The following KIRREL1 variants were observed in gnomAD, a reference collection of about 807,000 sequenced individuals.
KIRREL1 encodes kin of IRRE-like protein 1.
Under a neutral mutation model 83.3 loss-of-function variants are expected in KIRREL1, and 25 were observed. That is an observed-to-expected ratio of 0.30 (90% CI 0.22 to 0.42). KIRREL1 has a LOEUF of 0.42. KIRREL1 is among the 10% of genes least tolerant of loss of function. The pLI, the probability that KIRREL1 is intolerant of heterozygous loss-of-function variation, is 1.00. For missense variants in KIRREL1, 812 were observed against 1,032.3 expected (o/e 0.79, Z 2.92); for synonymous variants, 388 against 410.4 (o/e 0.95, Z 0.66).
intron 1 of KIRREL1, among the ~76,000 whole-genome samples, chr1:158,015,662 A>AT (rs948235440): frequency 6.6e-6 from 1 of 152,094 alleles, no homozygotes; most frequent in African/African-American, 2.4e-5. Context: ...CTTCTGGTTC[A>AT]TTTTTTTATG....
Position 158,094,398 on chromosome 1 carries a change from A to G in KIRREL1, c.1797+8A>G. 1 of 1,611,974 alleles carries G rather than the reference A, an allele frequency of 6.2e-7. No homozygotes were observed. The highest frequency in any genetic ancestry group is 1.3e-5 in the African/African-American group (1 of 75,028). ...GAGGAGTATGAGATGAAGGTGGGAA[A>G]GGGGGAAGGGGCCAGGGCATGAGGG... On this transcript the variant is annotated splice_region_variant and intron_variant, in intron 14 of 14. Transcript: ENST00000359209. The surrounding 1 kb of genome is among the most constrained non-coding windows in gnomAD (Gnocchi z 4.6).
chr1:158,000,330 C>A (rs1208279078), intron 1 of KIRREL1, among the ~76,000 whole-genome samples: 3 of 152,198 alleles, frequency 2.0e-5, no homozygotes, highest in African/African-American at 7.2e-5. Flanking sequence ...TTTTGTGAGT[C>A]ATTTTTCTTC....
intron 1 of KIRREL1, among the ~76,000 whole-genome samples, chr1:158,033,261 G>A (rs1418305172): frequency 2.0e-5 from 3 of 152,072 alleles, no homozygotes; most frequent in African/African-American, 7.2e-5. Context: ...TGGTAAAGAC[G>A]GGGTTTCACC....
intron 8 of KIRREL1, among the ~76,000 whole-genome samples, chr1:158,088,675 G>A (rs561821001): frequency 1.7e-3 from 252 of 151,296 alleles, no homozygotes; most frequent in African/African-American, 5.3e-3. Context: ...TAGTAGAGAC[G>A]GGGTTTCACC....
chr1:158,038,798 C>CTTTG (rs796811498), intron 1 of KIRREL1, among the ~76,000 whole-genome samples: 41 of 152,282 alleles, frequency 2.7e-4, no homozygotes, highest in African/African-American at 8.2e-4. Context: ...CCACTAGGGG[C>CTTTG]TTTGTTTTGT....
At chr1:158,009,039 C>T (rs536930839) in intron 1 of KIRREL1, among the ~76,000 whole-genome samples, 1 of 152,104 alleles carries the variant, frequency 6.6e-6, no homozygotes, top group Non-Finnish European at 1.5e-5. Flanking sequence ...AAAGGACACC[C>T]GTCCAGATGA....
Position 158,094,764 on chromosome 1 carries a change from C to T in KIRREL1, c.1918C>T (p.Arg640Cys), listed in dbSNP as rs565585626. 2.2e-4 allele frequency: 348 copies of T among 1,613,924 alleles called. 2 individuals carry two copies. The South Asian group carries it at 3.4e-3, about 16-fold the overall frequency. Residue 640 changes from arginine (R) to cysteine (C), a missense_variant, in exon 15 of 15, where the codon CGT (arginine) becomes TGT (cysteine). Coordinates refer to ENST00000359209, the MANE Select transcript of KIRREL1 (RefSeq NM_018240.7). This position sits in a 1 kb window ranked among gnomAD's most constrained non-coding sequence, Gnocchi z 4.6. ...PARFDGRPSS[R>C]LSHSSGYAQL... ...CCGCTTCGACGGCCGCCCCTCATCC[C>T]GTCTCTCCCACTCCAGCGGCTATGC...
intron 1 of KIRREL1, among the ~76,000 whole-genome samples, chr1:158,054,618 CAG>C (rs1661002371): frequency 6.6e-6 from 1 of 152,122 alleles, no homozygotes. Context: ...GATGGGGAAA[CAG>C]GGCCTACAGC....
At chr1:158,003,728 C>A (rs748782277) in intron 1 of KIRREL1, among the ~76,000 whole-genome samples, 3 of 151,446 alleles carry the variant, frequency 2.0e-5, no homozygotes, top group Non-Finnish European at 4.4e-5. Flanking sequence ...AGGCAGTGGG[C>A]GAAGTGAGAA....
intron 5 of KIRREL1, 57 bp from the exon 6 acceptor site, chr1:158,087,698 G>T: frequency 7.7e-7 from 1 of 1,306,440 alleles, no homozygotes; most frequent in African/African-American, 1.5e-5. Flanking sequence ...TGTTAGGGAG[G>T]GAAAAAGAAA....
chr1:158,000,366 T>C (rs2101620082), intron 1 of KIRREL1, among the ~76,000 whole-genome samples: 1 of 152,330 alleles, frequency 6.6e-6, no homozygotes, highest in East Asian at 1.9e-4. Flanking sequence ...TCCTGTGTCT[T>C]TAAAGGCACT....
chr1:158,086,951 T>C (rs927556593), intron 5 of KIRREL1, among the ~76,000 whole-genome samples: 2 of 152,082 alleles, frequency 1.3e-5, no homozygotes, highest in African/African-American at 2.4e-5. Context: ...AGTCAGGCAG[T>C]CCCCAGGTCT....
At chr1:158,029,366 T>TGTGTGCGCGCGC (rs1553238087) in intron 1 of KIRREL1, among the ~76,000 whole-genome samples, 8 of 148,930 alleles carry the variant, frequency 5.4e-5, no homozygotes, top group African/African-American at 2.0e-4. Flanking sequence ...TGTGTGTGTG[T>TGTGTGCGCGCGC]GCACGTGCGC....
chr1:158,023,582 C>T (rs1660065004), intron 1 of KIRREL1, among the ~76,000 whole-genome samples: 3 of 152,128 alleles, frequency 2.0e-5, no homozygotes, highest in African/African-American at 7.2e-5. Context: ...GTTTAAAAGG[C>T]AGCTGGGTAC....
intron 1 of KIRREL1, among the ~76,000 whole-genome samples, chr1:158,041,940 T>A (rs2101579834): frequency 6.6e-6 from 1 of 152,288 alleles, no homozygotes; most frequent in Middle Eastern, 3.4e-3. Context: ...TTCAGAGATT[T>A]CTTTCTGGGG....
At chr1:158,062,422 GA>G (rs1661239712) in intron 1 of KIRREL1, among the ~76,000 whole-genome samples, 1 of 152,252 alleles carries the variant, frequency 6.6e-6, no homozygotes, top group Non-Finnish European at 1.5e-5. Flanking sequence ...TGTACGTGTA[GA>G]ATGAACCGAG....
intron 1 of KIRREL1, among the ~76,000 whole-genome samples, chr1:158,014,390 A>C (rs1571536577): frequency 1.3e-5 from 2 of 152,032 alleles, no homozygotes; most frequent in Non-Finnish European, 2.9e-5. Flanking sequence ...AGGAACAAAA[A>C]CCATTCAGAG....
chr1:157,996,838 G>C (rs533476503), intron 1 of KIRREL1, among the ~76,000 whole-genome samples: 1 of 152,176 alleles, frequency 6.6e-6, no homozygotes, highest in Non-Finnish European at 1.5e-5. Flanking sequence ...GACCCAAAGG[G>C]AGGGTGTGAA....
At chr1:157,997,341 G>C (rs1230925408) in intron 1 of KIRREL1, among the ~76,000 whole-genome samples, 7 of 152,178 alleles carry the variant, frequency 4.6e-5, no homozygotes, top group South Asian at 2.1e-4. Flanking sequence ...AACGTACATG[G>C]AACAGTGTCT....
Sources: gnomAD v4.1 joint callset for allele counts (sites outside exome capture counted in the v4.1 genomes callset) on GRCh38, gnomAD v4.1.1 for gene constraint, Gnocchi (gnomAD v3.1) non-coding constraint, MANE v1.5 for transcripts, NCBI Gene and HGNC (gene_info 2026-07-23, HGNC 2026-07-21) for gene names.